The following JAK1 variants were observed in gnomAD, a reference collection of about 807,000 sequenced individuals.
JAK1 encodes the protein tyrosine-protein kinase JAK1.
JAK1 carries 16 observed loss-of-function variants against 136.6 expected under a neutral mutation model. The ratio of observed to expected loss-of-function variants is 0.12; its 90% CI spans 0.08 to 0.18. The LOEUF is 0.18. JAK1 is among the 10% of genes least tolerant of loss of function. The pLI is 1.00. For missense variants in JAK1, 859 were observed against 1,450.1 expected (o/e 0.59, Z 6.62); for synonymous variants, 492 against 519.5 (o/e 0.95, Z 0.72).
intron 1 of JAK1, among the ~76,000 whole-genome samples, chr1:64,913,719 G>GGGAT (rs1279707991): frequency 7.8e-6 from 1 of 128,890 alleles, no homozygotes; most frequent in Non-Finnish European, 1.7e-5. Context: ...GAGGGAGGGA[G>GGGAT]GGAGGGAGGG....
chr1:64,898,600 A>G (rs545158403), intron 1 of JAK1, among the ~76,000 whole-genome samples: 7 of 152,344 alleles, frequency 4.6e-5, no homozygotes, highest in Admixed American at 1.3e-4. Flanking sequence ...TGACAAAGAG[A>G]TTATTAGAAC....
intron 21 of JAK1, 99 bp from the exon 22 acceptor site, chr1:64,838,203 C>T: frequency 1.6e-6 from 2 of 1,250,946 alleles, no homozygotes; most frequent in Non-Finnish European, 1.1e-6. Context: ...ATTTCATTCA[C>T]ATATCACTGA....
intron 2 of JAK1, among the ~76,000 whole-genome samples, chr1:64,885,414 C>A (rs1297573731): frequency 6.6e-6 from 1 of 152,100 alleles, no homozygotes; most frequent in East Asian, 1.9e-4. Context: ...AATAAACAGG[C>A]AAATGCATGT....
chr1:65,043,700 A>ATTT (rs112982943), intron 2 of JAK1, among the ~76,000 whole-genome samples: 5 of 101,256 alleles, frequency 4.9e-5, no homozygotes, highest in South Asian at 3.2e-4. Context: ...CACCTGGCTA[A>ATTT]TTTTTTTTTT....
upstream of JAK1, among the ~76,000 whole-genome samples, chr1:64,967,105 A>T (rs1646399865): frequency 6.6e-6 from 1 of 152,068 alleles, no homozygotes; most frequent in African/African-American, 2.4e-5. Flanking sequence ...AACTACATTC[A>T]CTGATACCTA....
At chr1:64,960,959 A>C (rs978596202) in intron 1 of JAK1, among the ~76,000 whole-genome samples, 2 of 152,100 alleles carry the variant, frequency 1.3e-5, no homozygotes, top group African/African-American at 4.8e-5. Flanking sequence ...TTTGCCCTCC[A>C]CTAAATGCCC....
chr1:65,029,606 C>T (rs1647006007), intron 2 of JAK1, among the ~76,000 whole-genome samples: 1 of 152,292 alleles, frequency 6.6e-6, no homozygotes, highest in East Asian at 1.9e-4. Context: ...ATGGTACATA[C>T]ACCATGGAGT....
chr1:64,960,164 G>A (rs955426515), intron 1 of JAK1, among the ~76,000 whole-genome samples: 2 of 152,200 alleles, frequency 1.3e-5, no homozygotes, highest in African/African-American at 2.4e-5. Context: ...GAAGGTCAAC[G>A]CTGACTTGAG....
intron 1 of JAK1, among the ~76,000 whole-genome samples, chr1:64,950,757 T>A (rs1359273584): frequency 1.3e-5 from 2 of 152,242 alleles, no homozygotes; most frequent in Non-Finnish European, 2.9e-5. Flanking sequence ...CTGAGAAGTA[T>A]TTGAACAAAT....
At chr1:64,912,583 C>T (rs1645302517) in intron 1 of JAK1, among the ~76,000 whole-genome samples, 1 of 152,168 alleles carries the variant, frequency 6.6e-6, no homozygotes, top group African/African-American at 2.4e-5. Flanking sequence ...ACTTACTATG[C>T]CACTAACAAT....
Position 64,961,140 on chromosome 1 carries a change from G to T in JAK1, c.-78+5193C>A, listed in dbSNP as rs150739733. ...GTTTCTTGTATTTAATTTCCTAATG[G>T]CTTAAAAACCAGTTAGATAAACTGT... On this transcript the variant is annotated intron_variant, in intron 1 of 24. Transcript: ENST00000342505. Among the ~76,000 whole-genome samples, 14 of 152,196 alleles carry T rather than the reference G, an allele frequency of 9.2e-5. 1 individual carries two copies. In the East Asian group the frequency reaches 2.7e-3, roughly 29 times the overall value.
chr1:64,940,315 A>C (rs1196983448), intron 1 of JAK1, among the ~76,000 whole-genome samples: 1 of 129,268 alleles, frequency 7.7e-6, no homozygotes, highest in Non-Finnish European at 1.7e-5. Context: ...TACCAATTTC[A>C]ATTTCTTTTT....
chr1:64,875,589 G>C (rs1358890494), intron 4 of JAK1, among the ~76,000 whole-genome samples: 1 of 152,192 alleles, frequency 6.6e-6, no homozygotes, highest in East Asian at 1.9e-4. Context: ...TACTTTAAAG[G>C]TAAAAACCAA....
chr1:65,026,401 T>C (rs1282978060), intron 2 of JAK1, among the ~76,000 whole-genome samples: 1 of 152,098 alleles, frequency 6.6e-6, no homozygotes, highest in Non-Finnish European at 1.5e-5. Flanking sequence ...GTTGGAGATC[T>C]AGAAAATGTC....
chr1:65,008,248 A>G (rs1646819817), intron 2 of JAK1, among the ~76,000 whole-genome samples: 1 of 152,160 alleles, frequency 6.6e-6, no homozygotes, highest in Admixed American at 6.5e-5. Context: ...GCAAGGAGAA[A>G]AGCCCGGGCA....
At chr1:65,048,402 A>G (rs1175929145) in intron 1 of JAK1, among the ~76,000 whole-genome samples, 1 of 152,216 alleles carries the variant, frequency 6.6e-6, no homozygotes, top group Admixed American at 6.5e-5. Flanking sequence ...GAGACTTTCA[A>G]TGTGCTCAGG....
chr1:65,015,634 C>G (rs1249313610), intron 2 of JAK1, among the ~76,000 whole-genome samples: 2 of 152,072 alleles, frequency 1.3e-5, no homozygotes, highest in Admixed American at 6.5e-5. Context: ...AGTTAAAAGA[C>G]AAAGCTTCTC....
At position 65,043,087 on chromosome 1, in the gene JAK1, A is replaced by T. The variant is rs55818748; in HGVS notation, c.-78+1393T>A. Among the ~76,000 whole-genome samples, 1,088 of 152,290 alleles carry T rather than the reference A, an allele frequency of 7.1e-3. 3 individuals carry two copies. The highest frequency in any genetic ancestry group is 0.012 in the Non-Finnish European group (816 of 68,026). ...TGGTCTCAGAAAAAGTAGATCATGG[A>T]ATCTAATGTTTTTCACTCAAAACAG... On this transcript the variant is annotated intron_variant, in intron 2 of 25. Transcript: ENST00000671954.
At chr1:64,846,599 C>G (rs1458472858) in intron 14 of JAK1, 50 bp downstream of exon 14, 7 of 1,412,230 alleles carry the variant, frequency 5.0e-6, no homozygotes, top group Non-Finnish European at 7.0e-6. Context: ...TCCACAGCAC[C>G]CAAGCTCCCC....
Sources: allele counts gnomAD v4.1 joint callset (sites outside exome capture counted in the v4.1 genomes callset), GRCh38; gene constraint gnomAD v4.1.1; transcripts MANE v1.5; gene names NCBI Gene and HGNC (gene_info 2026-07-23, HGNC 2026-07-21).